FOXN3: variants seen among roughly 807,000 people sequenced by gnomAD.
FOXN3 encodes forkhead box protein N3.
Under a neutral mutation model 38.4 loss-of-function variants are expected in FOXN3, and 7 were observed. That is an observed-to-expected ratio of 0.18 (90% CI 0.10 to 0.34). The LOEUF is 0.34. Ranked by LOEUF, FOXN3 falls within the 10% of genes least tolerant of loss-of-function variation. The pLI is 1.00. For synonymous variants in FOXN3, 230 were observed against 242.2 expected (o/e 0.95, Z 0.47); for missense variants, 456 against 613.4 (o/e 0.74, Z 2.71).
Position 89,392,307 on chromosome 14 carries a change from T to A in FOXN3, c.543+19627A>T, listed in dbSNP as rs1315372007. Among the ~76,000 whole-genome samples, 4 of 152,224 alleles carry A rather than the reference T, an allele frequency of 2.6e-5. No homozygotes were observed. In the East Asian group the frequency reaches 7.7e-4, roughly 29 times the overall value. ...CCTAAGTACCTTCCATTAGGTTTTA[T>A]TCCTGAAGTCTCTCAGTGTAGGCAG... On this transcript the variant is annotated intron_variant, in intron 2 of 5. Transcript: ENST00000557258.
At chr14:89,592,392 T>C (rs1260716322) in intron 1 of FOXN3, among the ~76,000 whole-genome samples, 1 of 151,348 alleles carries the variant, frequency 6.6e-6, no homozygotes, top group African/African-American at 2.5e-5. Flanking sequence ...GAAAGATCTG[T>C]TTAAATGTAC....
chr14:89,252,537 C>A (rs1323952915), intron 4 of FOXN3, among the ~76,000 whole-genome samples: 1 of 151,848 alleles, frequency 6.6e-6, no homozygotes, highest in Non-Finnish European at 1.5e-5. Flanking sequence ...GCCTGTAATC[C>A]CAGCTACTCT....
chr14:89,300,759 A>G (rs1224875476), intron 3 of FOXN3, among the ~76,000 whole-genome samples: 2 of 152,142 alleles, frequency 1.3e-5, no homozygotes, highest in African/African-American at 4.8e-5. Context: ...CTCAATTGCT[A>G]CAGTTGTATG....
At chr14:89,470,179 A>G (rs1471543004) in intron 1 of FOXN3, among the ~76,000 whole-genome samples, 1 of 152,232 alleles carries the variant, frequency 6.6e-6, no homozygotes, top group Non-Finnish European at 1.5e-5. Context: ...GCTCAGTCCT[A>G]CTTAGTGGAA....
intron 1 of FOXN3, among the ~76,000 whole-genome samples, chr14:89,535,590 C>T (rs1894668170): frequency 6.6e-6 from 1 of 152,102 alleles, no homozygotes; most frequent in African/African-American, 2.4e-5. Context: ...TTAAGTTGTC[C>T]TTGGATTGCA....
At chr14:89,418,106 G>A (rs1024564906), upstream of FOXN3, among the ~76,000 whole-genome samples, 5 of 152,186 alleles carry the variant, frequency 3.3e-5, no homozygotes, top group African/African-American at 1.2e-4. Context: ...CTTGGGAGAG[G>A]ATGAGAGGAG....
intron 4 of FOXN3, among the ~76,000 whole-genome samples, chr14:89,272,005 G>A (rs1170433769): frequency 1.3e-5 from 2 of 152,168 alleles, no homozygotes; most frequent in Non-Finnish European, 2.9e-5. Flanking sequence ...AAATGCATAA[G>A]GCTAGTACAA....
intron 1 of FOXN3, among the ~76,000 whole-genome samples, chr14:89,415,675 TCTAA>T (rs1320143004): frequency 6.8e-6 from 1 of 146,170 alleles, no homozygotes; most frequent in East Asian, 2.0e-4. Context: ...ATTATTATAC[TCTAA>T]CTACAGATTT....
At chr14:89,488,412 G>A (rs1268580322) in intron 1 of FOXN3, among the ~76,000 whole-genome samples, 1 of 151,892 alleles carries the variant, frequency 6.6e-6, no homozygotes, top group African/African-American at 2.4e-5. Context: ...TTGGGAGGCC[G>A]AGGTGGGCAC....
At position 89,412,228 on chromosome 14, in the gene FOXN3, A is replaced by C; in HGVS notation, c.249T>G (p.Ser83Arg). 3 of 1,613,766 alleles carry C rather than the reference A, an allele frequency of 1.9e-6. No homozygotes were observed. Among genetic ancestry groups the C allele is most frequent in the Non-Finnish European group, 2.5e-6 (3 of 1,179,940 alleles). Reference protein sequence around the residue: ...LKSFGESVLRSVSPVQDLDDD... With the variant: ...LKSFGESVLRRVSPVQDLDDD... ...CGTCCAGGTCCTGGACGGGGCTGACACTCCTGAGGACCGACTCCCCAAAGC... is the reference window on the plus strand; with the variant it reads ...CGTCCAGGTCCTGGACGGGGCTGACCCTCCTGAGGACCGACTCCCCAAAGC... The change falls in exon 2 of 6, where the codon AGT becomes AGG. Residue 83 changes from serine (S) to arginine (R), a missense_variant. Around this residue, in one of 3 missense-constraint regions of FOXN3, gnomAD observed 11 missense variants for 39.2 expected, o/e 0.28. Coordinates refer to ENST00000557258, the MANE Select transcript of FOXN3 (RefSeq NM_005197.4). This position sits in a 1 kb window ranked among gnomAD's most constrained non-coding sequence, Gnocchi z 4.7.
At chr14:89,499,742 GTGAC>G (rs1334247876) in intron 1 of FOXN3, among the ~76,000 whole-genome samples, 8 of 152,158 alleles carry the variant, frequency 5.3e-5, no homozygotes. Context: ...CAAGGGAACT[GTGAC>G]ATCTAGTCAG....
chr14:89,169,188 C>T (rs551298566), intron 5 of FOXN3, among the ~76,000 whole-genome samples: 1 of 152,238 alleles, frequency 6.6e-6, no homozygotes, highest in African/African-American at 2.4e-5. Flanking sequence ...TATTTGTAAT[C>T]TCAGCACTTT....
chr14:89,175,875 C>G (rs991003787), intron 5 of FOXN3, among the ~76,000 whole-genome samples: 2 of 152,146 alleles, frequency 1.3e-5, no homozygotes, highest in African/African-American at 4.8e-5. Context: ...TGTGACCCAA[C>G]CCAGGGTGTG....
intron 4 of FOXN3, among the ~76,000 whole-genome samples, 197 bp from the exon 5 acceptor site, chr14:89,181,003 C>G (rs917321310): frequency 6.6e-6 from 1 of 151,258 alleles, no homozygotes; most frequent in Non-Finnish European, 1.5e-5. Context: ...CACACTCACA[C>G]AGTCATGCAC....
At chr14:89,591,150 A>G (rs944293737) in intron 1 of FOXN3, among the ~76,000 whole-genome samples, 1 of 152,218 alleles carries the variant, frequency 6.6e-6, no homozygotes, top group African/African-American at 2.4e-5. Flanking sequence ...GACCTTTACG[A>G]CAGGCAGAAA....
chr14:89,409,710 T>TTCC (rs1325643093), intron 2 of FOXN3, among the ~76,000 whole-genome samples: 1 of 152,178 alleles, frequency 6.6e-6, no homozygotes, highest in African/African-American at 2.4e-5. Flanking sequence ...TTCCCTTTCT[T>TTCC]GCCACAAAGA....
chr14:89,390,059 A>AAAT (rs199685237), intron 2 of FOXN3, among the ~76,000 whole-genome samples: 3 of 151,594 alleles, frequency 2.0e-5, no homozygotes, highest in Admixed American at 1.3e-4. Flanking sequence ...ATCTTTACAA[A>AAAT]AATAATAATA....
At chr14:89,466,428 C>A (rs1892976711) in intron 1 of FOXN3, among the ~76,000 whole-genome samples, 1 of 152,148 alleles carries the variant, frequency 6.6e-6, no homozygotes, top group African/African-American at 2.4e-5. Context: ...GTTTTTCGTG[C>A]CAGTTGCTTT....
intron 2 of FOXN3, among the ~76,000 whole-genome samples, chr14:89,352,907 T>A (rs987274408): frequency 2.6e-5 from 4 of 152,210 alleles, no homozygotes; most frequent in Admixed American, 6.5e-5. Flanking sequence ...CTAAGCAGAT[T>A]GAACCCAGGA....
Sources: allele counts gnomAD v4.1 joint callset (sites outside exome capture counted in the v4.1 genomes callset), GRCh38; gene constraint gnomAD v4.1.1; regional missense constraint gnomAD v4.1.1; non-coding constraint Gnocchi (gnomAD v3.1); transcripts MANE v1.5; gene names NCBI Gene and HGNC (gene_info 2026-07-23, HGNC 2026-07-21).